The following ZNF469 variants were observed in gnomAD, a reference collection of about 807,000 sequenced individuals.
ZNF469 encodes the protein zinc finger protein 469.
In ZNF469, 1 loss-of-function variant was observed where a neutral mutation model predicts 1.0. The ratio of observed to expected loss-of-function variants is 1.00; its 90% CI spans 0.35 to 4.73. The LOEUF (loss-of-function observed/expected upper bound fraction) is 4.73, where lower values mean the gene tolerates loss of function less well. Among genes scored for constraint, ZNF469 ranks in the 30% most tolerant of loss-of-function variants. The pLI is 0.16. For missense variants in ZNF469, 6,100 were observed against 5,356.3 expected, an observed-to-expected ratio of 1.14 and a Z score of -4.33; for synonymous variants, 2,703 against 2,363.4, an observed-to-expected ratio of 1.14 and a Z score of -4.17.
At chr16:88,195,976 C>T in the ZNF469 span, among the ~76,000 whole-genome samples, 1 of 152,220 alleles carries the variant, frequency 6.6e-6, no homozygotes, top group Non-Finnish European at 1.5e-5. Context: ...TTATTCTGCC[C>T]AGAGGAGGCT....
chr16:88,229,311 G>T, the ZNF469 span, among the ~76,000 whole-genome samples: 1 of 152,358 alleles, frequency 6.6e-6, no homozygotes, highest in East Asian at 1.9e-4. Flanking sequence ...CCGTCAGGCG[G>T]CAGGAACCTG....
chr16:88,104,999 T>C, the ZNF469 span, among the ~76,000 whole-genome samples: 1 of 152,184 alleles, frequency 6.6e-6, no homozygotes, highest in South Asian at 2.1e-4. Flanking sequence ...GAGGATCACT[T>C]GAGTCCAGGA....
At chr16:88,371,966 CCATCACCACCAT>C in the ZNF469 span, among the ~76,000 whole-genome samples, 643 of 141,700 alleles carry the variant, frequency 4.5e-3, 6 homozygotes, top group African/African-American at 0.016. Flanking sequence ...ACCATCATCA[CCATCACCACCAT>C]CATCACCATC....
chr16:88,249,429 C>CTTTTTTTTT, the ZNF469 span, among the ~76,000 whole-genome samples: 15 of 63,612 alleles, frequency 2.4e-4, no homozygotes, highest in African/African-American at 8.4e-4. Flanking sequence ...TTTTCTTTTT[C>CTTTTTTTTT]TTTTTTTTTT....
the ZNF469 span, among the ~76,000 whole-genome samples, chr16:88,113,622 C>G: frequency 1.3e-5 from 2 of 152,192 alleles, no homozygotes; most frequent in African/African-American, 4.8e-5. Flanking sequence ...CCTCCGCAGA[C>G]TGTGGTGAAG....
In ZNF469 at chr16:88,428,218, G is replaced by GA; in HGVS notation, c.748_749insA (p.Val250AspfsTer121). On this transcript the variant is annotated frameshift_variant, in exon 3 of 3. Transcript: ENST00000565624. LOFTEE classifies it low-confidence loss of function (END_TRUNC). ...TAGCTTCCCAGGTGCTAATTTCGGG[G>GA]TTCCCCCCGCCGAGCCGGAACCTAT... 6.5e-7 allele frequency: 1 copy of GA among 1,550,278 alleles called. No individual in the cohort carries two copies. Among genetic ancestry groups the GA allele is most frequent in the Non-Finnish European group, 8.7e-7 (1 of 1,146,918 alleles).
Position 88,433,130 on chromosome 16 carries a change from CCCACCCTA to C in ZNF469, c.5661_5668del (p.His1888GlnfsTer24), listed in dbSNP as rs1232391570. The C allele has an allele frequency of 1.3e-6, 2 of 1,550,322 alleles. No individual in the cohort carries two copies. The highest frequency in any genetic ancestry group is 1.7e-6 in the Non-Finnish European group (2 of 1,146,940). On this transcript the variant is annotated frameshift_variant, in exon 3 of 3. Transcript: ENST00000565624. LOFTEE classifies it low-confidence loss of function (END_TRUNC). ...CCAAGTCCCGCCTGTGTATCCAACA[CCCACCCTA>C]GCAGGAGGTCCCAGGACCCAGCTTT... is the stretch of plus-strand genomic sequence containing the variant.
chr16:88,331,721 A>G, the ZNF469 span, among the ~76,000 whole-genome samples: 1 of 151,500 alleles, frequency 6.6e-6, no homozygotes, highest in Admixed American at 6.6e-5. Flanking sequence ...CACCATCGTC[A>G]CCATCACCAT....
chr16:88,122,503 G>A, the ZNF469 span, among the ~76,000 whole-genome samples: 1 of 151,352 alleles, frequency 6.6e-6, no homozygotes, highest in African/African-American at 2.4e-5. Flanking sequence ...GGCCACGGCG[G>A]CCACTCAGAT....
chr16:88,278,869 C>G, the ZNF469 span, among the ~76,000 whole-genome samples: 1 of 141,418 alleles, frequency 7.1e-6, no homozygotes, highest in African/African-American at 2.5e-5. Context: ...AGTGCTGTGC[C>G]ACGCCGACAC....
the ZNF469 span, among the ~76,000 whole-genome samples, chr16:88,296,838 T>A: frequency 1.4e-3 from 211 of 150,014 alleles, 1 homozygote; most frequent in African/African-American, 5.2e-3. Context: ...ACGCACACAC[T>A]CACGCACCCA....
chr16:88,236,757 C>T, the ZNF469 span, among the ~76,000 whole-genome samples: 1 of 151,798 alleles, frequency 6.6e-6, no homozygotes, highest in African/African-American at 2.4e-5. Context: ...AGCTCAGCTA[C>T]TCTGGAGGCT....
chr16:88,246,901 G>A, the ZNF469 span, among the ~76,000 whole-genome samples: 1 of 152,174 alleles, frequency 6.6e-6, no homozygotes, highest in Non-Finnish European at 1.5e-5. Flanking sequence ...GTGAATGAGT[G>A]AATGAGTCAA....
chr16:88,193,201 G>A, the ZNF469 span, among the ~76,000 whole-genome samples: 1 of 108,254 alleles, frequency 9.2e-6, no homozygotes, highest in Non-Finnish European at 2.0e-5. Context: ...GGTGGTGATG[G>A]TGGTGGGGAT....
chr16:88,170,069 G>A, the ZNF469 span, among the ~76,000 whole-genome samples: 3 of 152,222 alleles, frequency 2.0e-5, no homozygotes, highest in Admixed American at 1.3e-4. This position sits in a 1 kb window ranked among gnomAD's most constrained non-coding sequence, Gnocchi z 4.2. Context: ...TGTGGCTGCT[G>A]ACTTACTGTG....
the ZNF469 span, among the ~76,000 whole-genome samples, chr16:88,229,685 CAT>C: frequency 1.4e-4 from 21 of 149,778 alleles, no homozygotes; most frequent in South Asian, 4.2e-3. Context: ...GTGCTGATGC[CAT>C]ACGTGTGGAT....
the ZNF469 span, among the ~76,000 whole-genome samples, chr16:88,121,904 G>C: frequency 6.6e-6 from 1 of 152,210 alleles, no homozygotes; most frequent in African/African-American, 2.4e-5. Flanking sequence ...TACAGAGATG[G>C]TGCGTCCCTG....
the ZNF469 span, chr16:88,194,841 G>A: frequency 2.0e-5 from 3 of 152,286 alleles, no homozygotes; most frequent in African/African-American, 4.8e-5. Context: ...CGTAACGTCA[G>A]AGGAGGCCAA....
the ZNF469 span, among the ~76,000 whole-genome samples, chr16:88,210,630 A>T: frequency 6.6e-5 from 10 of 152,246 alleles, no homozygotes. Flanking sequence ...ATCTAATTCC[A>T]TCTTTTACTA....
Sources: allele counts gnomAD v4.1 joint callset (sites outside exome capture counted in the v4.1 genomes callset), GRCh38; gene constraint gnomAD v4.1.1; non-coding constraint Gnocchi (gnomAD v3.1); transcripts MANE v1.5; gene names NCBI Gene and HGNC (gene_info 2026-07-23, HGNC 2026-07-21).